Variants in ATOSA observed in about 807,000 individuals in gnomAD.
The protein encoded by ATOSA is atos homolog A.
chr15:52,639,216 C>CTAGA, the ATOSA span, among the ~76,000 whole-genome samples: 2 of 151,982 alleles, frequency 1.3e-5, no homozygotes, highest in African/African-American at 4.8e-5. Flanking sequence ...AGATTAGTTA[C>CTAGA]TAGAAGGGAT....
the ATOSA span, among the ~76,000 whole-genome samples, chr15:52,588,561 C>A: frequency 2.3e-3 from 345 of 152,274 alleles, 2 homozygotes; most frequent in African/African-American, 7.7e-3. Context: ...GTCTCAGCCT[C>A]CCAAGTAGCT....
chr15:52,661,357 A>G, the ATOSA span, among the ~76,000 whole-genome samples: 1 of 152,232 alleles, frequency 6.6e-6, no homozygotes, highest in Non-Finnish European at 1.5e-5. Flanking sequence ...CAGAACCTAG[A>G]GGCAATTGTG....
chr15:52,601,041 G>T, the ATOSA span: 4 of 1,212,072 alleles, frequency 3.3e-6, no homozygotes, highest in East Asian at 2.6e-5. Context: ...CCAGAATTTT[G>T]TGAAATTCTG....
the ATOSA span, chr15:52,678,063 T>C: frequency 1.9e-6 from 3 of 1,613,450 alleles, no homozygotes; most frequent in Non-Finnish European, 2.5e-6. Context: ...GAAATGCACC[T>C]GTGGGTTCTT....
chr15:52,674,512 A>C, the ATOSA span, among the ~76,000 whole-genome samples: 1 of 152,230 alleles, frequency 6.6e-6, no homozygotes, highest in East Asian at 1.9e-4. Flanking sequence ...TAAAAATCTA[A>C]TTATTCCAGA....
At chr15:52,665,643 C>T in the ATOSA span, among the ~76,000 whole-genome samples, 1,685 of 152,012 alleles carry the variant, frequency 0.011, 32 homozygotes, top group Non-Finnish European at 0.011. Context: ...TTTAGAACTT[C>T]GTCTGGAAAA....
At chr15:52,699,220 T>C in the ATOSA span, among the ~76,000 whole-genome samples, 1 of 152,294 alleles carries the variant, frequency 6.6e-6, no homozygotes, top group East Asian at 1.9e-4. Flanking sequence ...GTTTACTGTC[T>C]ACTTACTCTC....
At chr15:52,670,875 T>A in the ATOSA span, among the ~76,000 whole-genome samples, 5 of 152,356 alleles carry the variant, frequency 3.3e-5, no homozygotes, top group African/African-American at 4.8e-5. Context: ...GCCAGCTACA[T>A]CTTACAGATA....
At chr15:52,706,358 T>C in the ATOSA span, among the ~76,000 whole-genome samples, 1 of 152,334 alleles carries the variant, frequency 6.6e-6, no homozygotes, top group Non-Finnish European at 1.5e-5. Context: ...AGAAAAGAAC[T>C]ACAAACAAAT....
chr15:52,597,778 G>A, the ATOSA span, among the ~76,000 whole-genome samples: 1 of 152,204 alleles, frequency 6.6e-6, no homozygotes, highest in Admixed American at 6.5e-5. Context: ...ACTGGAAGAA[G>A]AATTGTCTTG....
At chr15:52,667,376 CA>C in the ATOSA span, among the ~76,000 whole-genome samples, 1 of 152,078 alleles carries the variant, frequency 6.6e-6, no homozygotes, top group Non-Finnish European at 1.5e-5. Flanking sequence ...AAGCAATGTA[CA>C]ACTTTAAAAG....
chr15:52,660,105 G>A, the ATOSA span, among the ~76,000 whole-genome samples: 2 of 152,074 alleles, frequency 1.3e-5, no homozygotes, highest in Non-Finnish European at 2.9e-5. Context: ...ACTGATATAA[G>A]CCCAAAAATA....
the ATOSA span, among the ~76,000 whole-genome samples, chr15:52,626,091 CT>C: frequency 6.6e-6 from 1 of 152,170 alleles, no homozygotes; most frequent in Non-Finnish European, 1.5e-5. Context: ...TAAAATAAAA[CT>C]AAATGCTATG....
At chr15:52,647,065 G>GT in the ATOSA span, among the ~76,000 whole-genome samples, 1 of 152,146 alleles carries the variant, frequency 6.6e-6, no homozygotes, top group Non-Finnish European at 1.5e-5. Context: ...TTTGTCAACT[G>GT]TAAGTAGTCT....
At chr15:52,591,378 G>A in the ATOSA span, among the ~76,000 whole-genome samples, 3 of 152,144 alleles carry the variant, frequency 2.0e-5, no homozygotes, top group African/African-American at 7.2e-5. Context: ...TTACAGGCGT[G>A]TGCCACCATG....
chr15:52,611,541 C>T, the ATOSA span: 1 of 1,597,810 alleles, frequency 6.3e-7, no homozygotes, highest in East Asian at 2.2e-5. Flanking sequence ...CTTGATTTAC[C>T]AAGAACAACT....
the ATOSA span, among the ~76,000 whole-genome samples, chr15:52,633,710 C>T: frequency 6.6e-6 from 1 of 152,052 alleles, no homozygotes; most frequent in Non-Finnish European, 1.5e-5. Flanking sequence ...ATTAGCAGAC[C>T]TTCCCTACCA....
chr15:52,644,853 C>T, the ATOSA span, among the ~76,000 whole-genome samples: 15 of 152,134 alleles, frequency 9.9e-5, no homozygotes, highest in Non-Finnish European at 2.1e-4. Flanking sequence ...GTATTGATTA[C>T]TAGAATTTCT....
At chr15:52,647,860 T>G in the ATOSA span, among the ~76,000 whole-genome samples, 6 of 152,326 alleles carry the variant, frequency 3.9e-5, no homozygotes, top group East Asian at 1.2e-3. Context: ...CTCATTTTAC[T>G]CATTCTTTCC....
Sources: gnomAD v4.1 joint callset for allele counts (sites outside exome capture counted in the v4.1 genomes callset) on GRCh38, gnomAD v4.1.1 for gene constraint, MANE v1.5 for transcripts, NCBI Gene and HGNC (gene_info 2026-07-23, HGNC 2026-07-21) for gene names.